Variants in DDX52 observed in about 807,000 individuals in gnomAD.
The protein encoded by DDX52 is DExD-box helicase 52.
A neutral mutation model predicts 76.1 loss-of-function variants in DDX52; 59 were observed. The ratio of observed to expected loss-of-function variants is 0.78; its 90% CI spans 0.63 to 0.96. DDX52 has a LOEUF of 0.96. DDX52 is among the 40% of genes least tolerant of loss of function. DDX52 has a pLI of 0.00. For missense variants in DDX52, 707 were observed against 703.9 expected (o/e 1.00, Z -0.05); for synonymous variants, 231 against 244.1 (o/e 0.95, Z 0.50).
chr17:37,614,271 G>T lies in DDX52; in HGVS notation c.*25C>A. The T allele has an allele frequency of 6.2e-7, 1 of 1,606,058 alleles. No homozygotes were observed. On this transcript the variant is annotated 3_prime_UTR_variant, in exon 15 of 15. Transcript: ENST00000617633. The stretch of plus-strand genomic sequence containing the variant: ...GCTGGGATCATAAAATTACATTTCT[G>T]GGACAGTATTTTTAAAGTCTGTTTT...
intron 13 of DDX52, among the ~76,000 whole-genome samples, chr17:37,619,323 G>C (rs928152391): frequency 4.6e-5 from 7 of 152,148 alleles, no homozygotes; most frequent in Admixed American, 3.9e-4. Context: ...AGGTTGCAAT[G>C]AGCTGAGACT....
At chr17:37,639,824 G>C (rs1463861439) in intron 2 of DDX52, among the ~76,000 whole-genome samples, 1 of 152,004 alleles carries the variant, frequency 6.6e-6, no homozygotes, top group Non-Finnish European at 1.5e-5. Flanking sequence ...AATGGTTACA[G>C]TACATAGCTG....
chr17:37,631,149 G>T (rs947934914), intron 4 of DDX52: 1 of 152,082 alleles, frequency 6.6e-6, no homozygotes, highest in African/African-American at 2.4e-5. Flanking sequence ...AGGCCATCTC[G>T]GTTACATGGG....
rs1053912874 is a variant in DDX52, at chr17:37,618,139, C to T, written c.1742+153G>A. ...CAAAAAAACAAACAAACAAATTTCC[C>T]AATTATAGGCAACCTAAAATATATT... On this transcript the variant is annotated intron_variant, in intron 14 of 14. Coordinates refer to ENST00000617633, the MANE Select transcript of DDX52 (RefSeq NM_007010.5). Among the ~76,000 whole-genome samples the T allele has an allele frequency of 3.9e-5, 6 of 151,956 alleles. 1 individual carries two copies. The highest frequency in any genetic ancestry group is 1.5e-4 in the African/African-American group (6 of 41,358).
intron 2 of DDX52, among the ~76,000 whole-genome samples, chr17:37,639,857 T>G (rs564391380): frequency 1.3e-4 from 20 of 152,330 alleles, no homozygotes; most frequent in African/African-American, 3.8e-4. Flanking sequence ...GGCCCAAAAT[T>G]TGAATCCTTT....
At chr17:37,614,399 T>C (rs1441046980) in intron 14 of DDX52, 46 bp from the exon 15 acceptor site, 2 of 1,578,066 alleles carry the variant, frequency 1.3e-6, no homozygotes, top group East Asian at 2.2e-5. Flanking sequence ...ATTCTACGTA[T>C]ATTTACTTTC....
chr17:37,621,042 G>C (rs1200122533), intron 11 of DDX52, 85 bp downstream of exon 11: 20 of 1,557,084 alleles, frequency 1.3e-5, no homozygotes, highest in Non-Finnish European at 1.6e-5. Context: ...ACAGCACTAA[G>C]AAGTGAGCAT....
chr17:37,614,395 C>A (rs368002824), intron 14 of DDX52, 42 bp from the exon 15 acceptor site: 4 of 1,582,008 alleles, frequency 2.5e-6, no homozygotes, highest in Admixed American at 1.8e-5. Context: ...AAAAATTCTA[C>A]GTATATTTAC....
intron 4 of DDX52, 28 bp downstream of exon 4, chr17:37,632,085 T>C (rs756726984): frequency 1.1e-5 from 18 of 1,612,048 alleles, no homozygotes; most frequent in Middle Eastern, 1.6e-4. Context: ...GAAGGAATGT[T>C]ACAGGCATTC....
At position 37,624,374 on chromosome 17, in the gene DDX52, T is replaced by G; in HGVS notation, c.1197A>C (p.Lys399Asn). 6.2e-7 allele frequency: 1 copy of G among 1,608,662 alleles called. No homozygotes were observed. Among genetic ancestry groups the G allele is most frequent in the Non-Finnish European group, 8.5e-7 (1 of 1,176,514 alleles). Residue 399 changes from lysine (K) to asparagine (N), a missense_variant, in exon 9 of 15, where the codon AAA becomes AAC. Lys to Asn is a moderately conservative substitution (Grantham distance 94). Coordinates refer to ENST00000617633, the MANE Select transcript of DDX52 (RefSeq NM_007010.5). ...TAACAAGTTCTCTCACGGCCAGAAG[T>G]TTTCCGGTCTCAGATCCAACAAAGA... ...ELLFVGSETG[K>N]LLAVRELVKK...
intron 2 of DDX52, among the ~76,000 whole-genome samples, chr17:37,639,814 A>G (rs1188294852): frequency 6.6e-6 from 1 of 152,080 alleles, no homozygotes; most frequent in Non-Finnish European, 1.5e-5. Context: ...TTGTTGCCAC[A>G]ATGGTTACAG....
chr17:37,643,073 G>C (rs1157899137), intron 1 of DDX52: 1 of 366,264 alleles, frequency 2.7e-6, no homozygotes, highest in Non-Finnish European at 4.8e-6. Flanking sequence ...TTCCAACTTT[G>C]CTTTGAATAA....
rs529981792 is a variant in DDX52, at chr17:37,614,640, G to C, written c.1743-287C>G. ...ATGATTCAGTGCTTACTGCATGCTA[G>C]AAACGGTTACTAAGTGCTTTACATG... On this transcript the variant is annotated intron_variant, in intron 14 of 14. Transcript: ENST00000617633. Among the ~76,000 whole-genome samples, 27 of 152,328 alleles carry C rather than the reference G, an allele frequency of 1.8e-4. No individual in the cohort carries two copies. The South Asian group carries it at 5.6e-3, about 32-fold the overall frequency.
At chr17:37,642,387 C>T in intron 1 of DDX52, 79 bp from the exon 2 acceptor site, 1 of 1,457,138 alleles carries the variant, frequency 6.9e-7, no homozygotes. Flanking sequence ...TTCAATGACT[C>T]CTCATCTTTT....
chr17:37,643,264 A>G (rs974634131), intron 1 of DDX52, 70 bp downstream of exon 1: 4 of 1,518,836 alleles, frequency 2.6e-6, no homozygotes, highest in Non-Finnish European at 3.6e-6. Context: ...GGCCTCCCCC[A>G]GCAGCGGGTT....
At chr17:37,625,220 T>C (rs1259888815) in intron 8 of DDX52, among the ~76,000 whole-genome samples, 3 of 152,178 alleles carry the variant, frequency 2.0e-5, no homozygotes, top group Non-Finnish European at 4.4e-5. Flanking sequence ...CTCGAACTCC[T>C]GACCTCAGGC....
In DDX52 at chr17:37,621,108, GA is replaced by G. The variant is rs747593652; in HGVS notation, c.1501+18del. ...AGATCAGTGGGTGACAGAGGGGAAG[GA>G]AAAAAAAGACAACTCACCTATCCTG... On this transcript the variant is annotated intron_variant, in intron 11 of 14. Transcript: ENST00000617633. 3 of 1,594,076 alleles carry G rather than the reference GA, an allele frequency of 1.9e-6. No individual in the cohort carries two copies. The highest frequency in any genetic ancestry group is 2.6e-6 in the Non-Finnish European group (3 of 1,171,532).
rs771891695 is a variant in DDX52, at chr17:37,618,319, C to T, written c.1715G>A (p.Cys572Tyr). Residue 572 changes from cysteine (C) to tyrosine (Y), a missense_variant, in exon 14 of 15, where the codon TGT (cysteine) becomes TAT (tyrosine). By Grantham distance (194) the Cys-to-Tyr change is radical (BLOSUM62 -2). Coordinates refer to ENST00000617633, the MANE Select transcript of DDX52 (RefSeq NM_007010.5). ...ERESISTTPK[C>Y]FLEKAKDKQK... The stretch of plus-strand genomic sequence containing the variant: ...TTTATCCTTAGCTTTTTCTAAGAAA[C>T]ATTTTGGAGTTGTACTAATGCTCTC... 1 of 1,597,588 alleles carries T rather than the reference C, an allele frequency of 6.3e-7. No individual in the cohort carries two copies. The highest frequency in any genetic ancestry group is 1.8e-5 in the Admixed American group (1 of 55,542).
intron 2 of DDX52, chr17:37,639,470 G>C: frequency 1.0e-6 from 1 of 997,166 alleles, no homozygotes; most frequent in South Asian, 4.1e-5. Flanking sequence ...GGGCGTGGTG[G>C]CTCACATCTG....
Sources: gnomAD v4.1 joint callset for allele counts (sites outside exome capture counted in the v4.1 genomes callset) on GRCh38, gnomAD v4.1.1 for gene constraint, MANE v1.5 for transcripts, NCBI Gene and HGNC (gene_info 2026-07-23, HGNC 2026-07-21) for gene names.